Variants in CELF2 observed in about 807,000 individuals in gnomAD.
The protein encoded by CELF2 is CUG triplet repeat RNA-binding protein 2.
A neutral mutation model predicts 62.6 loss-of-function variants in CELF2; 8 were observed. The observed-to-expected ratio is 0.13, with a 90% CI of 0.07 to 0.23. The LOEUF (loss-of-function observed/expected upper bound fraction) is 0.23. Among genes scored for constraint, CELF2 ranks in the 10% least tolerant of loss-of-function variants. The probability of loss-of-function intolerance (pLI) is 1.00; values close to 1 mark genes in which losing one functional copy is unlikely to be tolerated. For synonymous variants in CELF2, 258 were observed against 250.0 expected, an observed-to-expected ratio of 1.03 and a Z score of -0.30; for missense variants, 333 against 671.0, an observed-to-expected ratio of 0.50 and a Z score of 5.56.
chr10:10,468,933 T>C, the CELF2 span, among the ~76,000 whole-genome samples: 1 of 152,120 alleles, frequency 6.6e-6, no homozygotes, highest in Non-Finnish European at 1.5e-5. Flanking sequence ...CAAACTCATC[T>C]TGTATCCTTT....
intron 2 of CELF2, among the ~76,000 whole-genome samples, chr10:10,939,834 G>T (rs1441941283): frequency 1.3e-5 from 2 of 151,946 alleles, no homozygotes; most frequent in Admixed American, 1.3e-4. Flanking sequence ...GATGCCTGTA[G>T]TTCCAGCTAC....
At chr10:10,576,782 G>A in the CELF2 span, among the ~76,000 whole-genome samples, 1 of 152,142 alleles carries the variant, frequency 6.6e-6, no homozygotes, top group African/African-American at 2.4e-5. Context: ...TGTACAGTGT[G>A]TGGTACATTA....
intron 1 of CELF2, among the ~76,000 whole-genome samples, chr10:10,857,502 C>T (rs2133012243): frequency 6.6e-6 from 1 of 151,728 alleles, no homozygotes; most frequent in African/African-American, 2.4e-5. Context: ...CCTGCCAAAG[C>T]ACTCTTTAAA....
chr10:10,647,100 A>T, the CELF2 span, among the ~76,000 whole-genome samples: 1 of 152,290 alleles, frequency 6.6e-6, no homozygotes, highest in East Asian at 1.9e-4. Flanking sequence ...TGAGCATGAT[A>T]AGCAGGGTCT....
intron 2 of CELF2, among the ~76,000 whole-genome samples, chr10:10,925,881 C>A (rs1257446052): frequency 6.6e-6 from 1 of 152,100 alleles, no homozygotes; most frequent in African/African-American, 2.4e-5. Flanking sequence ...CATACAGCAC[C>A]CAGACTCTGC....
chr10:11,135,877 C>A (rs913780684), intron 1 of CELF2, among the ~76,000 whole-genome samples: 1 of 152,182 alleles, frequency 6.6e-6, no homozygotes, highest in Non-Finnish European at 1.5e-5. Flanking sequence ...GGTACAGATT[C>A]TAGCATCTCA....
At chr10:10,888,101 T>C (rs1035813191) in intron 1 of CELF2, among the ~76,000 whole-genome samples, 4 of 152,166 alleles carry the variant, frequency 2.6e-5, no homozygotes, top group African/African-American at 9.7e-5. Context: ...ACTAACTGTA[T>C]GTGGGGGATG....
chr10:11,295,928 C>T (rs2093121998), intron 9 of CELF2, among the ~76,000 whole-genome samples: 1 of 152,140 alleles, frequency 6.6e-6, no homozygotes, highest in African/African-American at 2.4e-5. Context: ...GATGGATACT[C>T]CAGGCAGTTG....
chr10:10,955,041 G>A (rs1323941725), intron 2 of CELF2, among the ~76,000 whole-genome samples: 1 of 152,208 alleles, frequency 6.6e-6, no homozygotes, highest in African/African-American at 2.4e-5. Context: ...TGAGCAATCT[G>A]TGTAAGGTTA....
intron 1 of CELF2, among the ~76,000 whole-genome samples, chr10:10,914,147 T>C (rs1430106271): frequency 6.6e-6 from 1 of 151,924 alleles, no homozygotes; most frequent in East Asian, 1.9e-4. Context: ...AAAAAAATGT[T>C]CTCTGTACTT....
At chr10:11,197,021 A>AAGGAAGGAAGGAAGGAAGGAAGGAAGG (rs1565230337) in intron 2 of CELF2, among the ~76,000 whole-genome samples, 12 of 9,138 alleles carry the variant, frequency 1.3e-3, no homozygotes, top group Non-Finnish European at 2.2e-3. Flanking sequence ...AGAAAGAAAG[A>AAGGAAGGAAGGAAGGAAGGAAGGAAGG]AAGAAAAGAA....
intron 1 of CELF2, among the ~76,000 whole-genome samples, chr10:11,050,432 G>A (rs976702411): frequency 3.9e-5 from 6 of 152,188 alleles, no homozygotes; most frequent in African/African-American, 1.2e-4. Context: ...AAGTCATGGC[G>A]AGCAGAAGAC....
Position 11,191,932 on chromosome 10 carries a change from G to T in CELF2, c.272-25493G>T, listed in dbSNP as rs1469468139. 1.3e-5 allele frequency among the ~76,000 whole-genome samples: 2 copies of T among 152,102 alleles called. No homozygotes were observed. The highest frequency in any genetic ancestry group is 2.9e-5 in the Non-Finnish European group (2 of 68,028). On this transcript the variant is annotated intron_variant, in intron 2 of 12. Transcript: ENST00000633077. The surrounding 1 kb of genome is among the most constrained non-coding windows in gnomAD (Gnocchi z 4.1). Reference sequence around the variant, plus strand: ...GCCCTGTGTCCACTCTACTTCTTAGGAACCTGGCAACCCCAGGGAATTTTC... The same window carrying T: ...GCCCTGTGTCCACTCTACTTCTTAGTAACCTGGCAACCCCAGGGAATTTTC...
intron 1 of CELF2, among the ~76,000 whole-genome samples, chr10:10,841,323 T>TA (rs2058668907): frequency 6.9e-6 from 1 of 145,384 alleles, no homozygotes; most frequent in African/African-American, 2.6e-5. Flanking sequence ...TTCTTTCATA[T>TA]ATTGTGCATT....
At chr10:11,095,219 A>T (rs2049474936) in intron 1 of CELF2, among the ~76,000 whole-genome samples, 1 of 152,178 alleles carries the variant, frequency 6.6e-6, no homozygotes, top group African/African-American at 2.4e-5. Flanking sequence ...ATGCTTTGAG[A>T]TTCTCTTTTT....
At position 10,931,694 on chromosome 10, in the gene CELF2, T is replaced by A. The variant is rs2066076903; in HGVS notation, c.89+11695T>A. Among the ~76,000 whole-genome samples, 1 of 152,228 alleles carries A rather than the reference T, an allele frequency of 6.6e-6. No homozygotes were observed. On this transcript the variant is annotated intron_variant, in intron 2 of 13. Coordinates refer to the CELF2 transcript ENST00000636488. The surrounding 1 kb of genome is among the most constrained non-coding windows in gnomAD (Gnocchi z 6.1). ...TTTAAAATACATACCTAATTAATAA[T>A]GGAGATGCTTATGGACACCACAATG...
At chr10:10,746,939 T>G in the CELF2 span, among the ~76,000 whole-genome samples, 2 of 152,176 alleles carry the variant, frequency 1.3e-5, no homozygotes, top group African/African-American at 2.4e-5. Flanking sequence ...CAGAGAAGTA[T>G]GGGAGATAGA....
intron 1 of CELF2, among the ~76,000 whole-genome samples, chr10:11,127,544 C>G (rs1176469869): frequency 6.6e-6 from 1 of 152,126 alleles, no homozygotes; most frequent in Non-Finnish European, 1.5e-5. Context: ...TCCACATCCT[C>G]TGCAGCATCT....
chr10:10,634,184 A>G, the CELF2 span, among the ~76,000 whole-genome samples: 1 of 152,216 alleles, frequency 6.6e-6, no homozygotes, highest in Non-Finnish European at 1.5e-5. Flanking sequence ...TTTTCTATCC[A>G]TGAACATAGT....
Sources: gnomAD v4.1 joint callset for allele counts (sites outside exome capture counted in the v4.1 genomes callset) on GRCh38, gnomAD v4.1.1 for gene constraint, Gnocchi (gnomAD v3.1) non-coding constraint, MANE v1.5 for transcripts, NCBI Gene and HGNC (gene_info 2026-07-23, HGNC 2026-07-21) for gene names.